ARFIP1: variants seen among roughly 807,000 people sequenced by gnomAD.
ARFIP1 encodes the protein arfaptin-1.
A neutral mutation model predicts 42.5 loss-of-function variants in ARFIP1; 24 were observed. The ratio of observed to expected loss-of-function variants is 0.57; its 90% CI spans 0.41 to 0.80. The LOEUF is 0.80. ARFIP1 is among the 30% of genes least tolerant of loss of function. ARFIP1 has a pLI of 0.00. For missense variants in ARFIP1, 354 were observed against 434.0 expected (o/e 0.82, Z 1.64); for synonymous variants, 141 against 153.7 (o/e 0.92, Z 0.61).
chr4:152,797,643 C>T (rs1402570531), intron 1 of ARFIP1, among the ~76,000 whole-genome samples: 1 of 152,088 alleles, frequency 6.6e-6, no homozygotes, highest in Non-Finnish European at 1.5e-5. Flanking sequence ...CTGAAATTTT[C>T]CTTGTGTAGT....
At chr4:152,871,385 C>T (rs973751303) in intron 4 of ARFIP1, among the ~76,000 whole-genome samples, 1 of 152,146 alleles carries the variant, frequency 6.6e-6, no homozygotes, top group Non-Finnish European at 1.5e-5. Flanking sequence ...ATTCAATTTG[C>T]TCTGCACTTT....
intron 3 of ARFIP1, 24 bp from the exon 4 acceptor site, chr4:152,870,729 C>T: frequency 6.4e-7 from 1 of 1,551,236 alleles, no homozygotes; most frequent in Non-Finnish European, 8.9e-7. Context: ...AGGATTTTCA[C>T]AGTTAAAATG....
chr4:152,825,615 G>C (rs139193748), intron 1 of ARFIP1, among the ~76,000 whole-genome samples: 3 of 152,112 alleles, frequency 2.0e-5, no homozygotes, highest in African/African-American at 7.2e-5. Context: ...AAACTCTTCT[G>C]GACATTGGCC....
chr4:152,861,293 A>G (rs1454687090), intron 2 of ARFIP1, among the ~76,000 whole-genome samples: 1 of 152,184 alleles, frequency 6.6e-6, no homozygotes, highest in Non-Finnish European at 1.5e-5. Context: ...GATTCTATTC[A>G]TCTTTAGGAA....
chr4:152,835,713 G>A (rs11932276), intron 2 of ARFIP1, among the ~76,000 whole-genome samples: 19,622 of 152,130 alleles, frequency 0.13, 1,322 homozygotes, highest in Middle Eastern at 0.18. Context: ...AATTTTCTGT[G>A]TTAGTCCATA....
At chr4:152,841,844 T>C (rs953918204) in intron 2 of ARFIP1, among the ~76,000 whole-genome samples, 3 of 152,172 alleles carry the variant, frequency 2.0e-5, no homozygotes, top group African/African-American at 7.2e-5. Context: ...TGGACCAGCC[T>C]GCTAGCCCAC....
At chr4:152,873,253 T>A (rs1484865421) in intron 5 of ARFIP1, among the ~76,000 whole-genome samples, 2 of 152,190 alleles carry the variant, frequency 1.3e-5, no homozygotes, top group African/African-American at 4.8e-5. Context: ...TAGCCACAAT[T>A]CTCCCTATAT....
At chr4:152,881,227 T>C in intron 6 of ARFIP1, 43 bp downstream of exon 6, 1 of 1,412,542 alleles carries the variant, frequency 7.1e-7, no homozygotes, top group Non-Finnish European at 9.9e-7. Flanking sequence ...GAGAAAATGA[T>C]AATAGAAGTA....
At chr4:152,896,205 G>T (rs534705619) in intron 8 of ARFIP1, among the ~76,000 whole-genome samples, 84 of 151,620 alleles carry the variant, frequency 5.5e-4, no homozygotes, top group Non-Finnish European at 9.9e-4. Flanking sequence ...CGGTCAGTGA[G>T]GCCAGAGCAT....
intron 1 of ARFIP1, among the ~76,000 whole-genome samples, chr4:152,817,125 G>T (rs1396377334): frequency 6.6e-6 from 1 of 152,188 alleles, no homozygotes; most frequent in Non-Finnish European, 1.5e-5. Context: ...ATCACCAGCT[G>T]TTTTTAGGAG....
chr4:152,882,253 T>C (rs377260577), intron 6 of ARFIP1, among the ~76,000 whole-genome samples: 1 of 152,120 alleles, frequency 6.6e-6, no homozygotes, highest in South Asian at 2.1e-4. Context: ...TACAAAGAAA[T>C]ATGTATTGTT....
Position 152,904,198 on chromosome 4 carries a change from ATTT to A in ARFIP1, c.967-5855_967-5853del, listed in dbSNP as rs36092561. ...TGTGTGTGTATATATATATATATAT[ATTT>A]TTTTTTTTTTAACGGAGTCTCGCTC... On this transcript the variant is annotated intron_variant, in intron 8 of 8. Coordinates refer to ENST00000353617, the MANE Select transcript of ARFIP1 (RefSeq NM_001025595.3). Among the ~76,000 whole-genome samples, 1,108 of 126,602 alleles carry A rather than the reference ATTT, an allele frequency of 8.8e-3. 10 individuals carry two copies. The highest frequency in any genetic ancestry group is 0.016 in the Middle Eastern group (4 of 258). The allele number at this position is 126,602 out of a possible 152,430, so 83.1% of individuals were successfully genotyped here.
At chr4:152,836,332 T>G (rs1264488975) in intron 2 of ARFIP1, among the ~76,000 whole-genome samples, 1 of 152,178 alleles carries the variant, frequency 6.6e-6, no homozygotes, top group Non-Finnish European at 1.5e-5. Context: ...GATATGCTCA[T>G]CAGTTTGATT....
At position 152,866,661 on chromosome 4, in the gene ARFIP1, G is replaced by A. The variant is rs533715736; in HGVS notation, c.202+2947G>A. On this transcript the variant is annotated intron_variant, in intron 3 of 8. Transcript: ENST00000353617. Reference sequence around the variant, plus strand: ...GCTGACCCCCACCTCCCTCCCGGACGGGGTGGCTGCCAGGCGGAGACGCTC... The same window carrying A: ...GCTGACCCCCACCTCCCTCCCGGACAGGGTGGCTGCCAGGCGGAGACGCTC... 5.3e-5 allele frequency among the ~76,000 whole-genome samples: 8 copies of A among 152,094 alleles called. No homozygotes were observed. In the East Asian group the frequency reaches 1.6e-3, roughly 30 times the overall value.
chr4:152,798,289 G>A (rs780331976), intron 1 of ARFIP1, among the ~76,000 whole-genome samples: 1 of 152,166 alleles, frequency 6.6e-6, no homozygotes, highest in Non-Finnish European at 1.5e-5. Context: ...GGTAGAAATG[G>A]TGGGCATCTT....
chr4:152,872,128 T>G (rs902296516), intron 4 of ARFIP1, among the ~76,000 whole-genome samples: 11 of 152,114 alleles, frequency 7.2e-5, no homozygotes, highest in Admixed American at 3.3e-4. Flanking sequence ...TAAAATTAGT[T>G]GTGGAAATTT....
chr4:152,843,206 CAG>C (rs1011059303), intron 2 of ARFIP1, among the ~76,000 whole-genome samples: 3 of 152,148 alleles, frequency 2.0e-5, no homozygotes, highest in African/African-American at 2.4e-5. Context: ...TCTAGCCACC[CAG>C]AGAGTGTATC....
At chr4:152,781,243 T>C (rs1457405675) in intron 1 of ARFIP1, among the ~76,000 whole-genome samples, 23 of 146,998 alleles carry the variant, frequency 1.6e-4, no homozygotes, top group African/African-American at 4.5e-4. Context: ...TCTTTTTTTT[T>C]TTTTTTTTTT....
At chr4:152,796,650 C>G in intron 1 of ARFIP1, 1 of 887,300 alleles carries the variant, frequency 1.1e-6, no homozygotes, top group Non-Finnish European at 1.8e-6. Context: ...TCTTGATGGT[C>G]TTTTTTATTT....
Sources: allele counts gnomAD v4.1 joint callset (sites outside exome capture counted in the v4.1 genomes callset), GRCh38; gene constraint gnomAD v4.1.1; transcripts MANE v1.5; gene names NCBI Gene and HGNC (gene_info 2026-07-23, HGNC 2026-07-21).